The following ZNF626 variants were observed in gnomAD, a reference collection of about 807,000 sequenced individuals.
ZNF626 encodes the protein CTC-513N18.7.
In ZNF626, 4 loss-of-function variants were observed where a neutral mutation model predicts 11.7. The ratio of observed to expected loss-of-function variants is 0.34; its 90% CI spans 0.17 to 0.78. ZNF626 has a LOEUF of 0.78. ZNF626 is among the 30% of genes least tolerant of loss of function. The pLI, the probability that ZNF626 is intolerant of heterozygous loss-of-function variation, is 0.57. For synonymous variants in ZNF626, 179 were observed against 198.6 expected, an observed-to-expected ratio of 0.90 and a Z score of 0.83; for missense variants, 588 against 587.1, an observed-to-expected ratio of 1.00 and a Z score of -0.01.
intron 1 of ZNF626, among the ~76,000 whole-genome samples, chr19:20,654,997 A>G (rs1336985456): frequency 6.6e-6 from 1 of 151,886 alleles, no homozygotes. Context: ...CTGTAAACCC[A>G]GCTACTCAGG....
chr19:20,642,754 C>T, intron 3 of ZNF626, among the ~76,000 whole-genome samples: 1 of 152,106 alleles, frequency 6.6e-6, no homozygotes, highest in East Asian at 1.9e-4. Flanking sequence ...CGCGGTGGCT[C>T]ATGCCTGTAG....
At chr19:20,642,060 A>C (rs1478779603) in intron 3 of ZNF626, among the ~76,000 whole-genome samples, 1 of 152,182 alleles carries the variant, frequency 6.6e-6, no homozygotes, top group Non-Finnish European at 1.5e-5. Context: ...TATCTTCATG[A>C]CTACTCACTT....
chr19:20,644,102 C>T (rs919612648), intron 3 of ZNF626, among the ~76,000 whole-genome samples: 5 of 152,210 alleles, frequency 3.3e-5, no homozygotes, highest in African/African-American at 1.2e-4. Flanking sequence ...CTATTTACAG[C>T]CATGTAGGCA....
chr19:20,655,057 A>T (rs781073148), intron 1 of ZNF626, among the ~76,000 whole-genome samples: 2 of 151,890 alleles, frequency 1.3e-5, no homozygotes, highest in Non-Finnish European at 2.9e-5. Context: ...AGTTGTAGGG[A>T]GCAGAGATCA....
chr19:20,629,846 T>C (rs1969883107), intron 3 of ZNF626, among the ~76,000 whole-genome samples: 1 of 152,226 alleles, frequency 6.6e-6, no homozygotes, highest in Admixed American at 6.5e-5. Context: ...AGGGCATCCC[T>C]GTCTTGTGCC....
At chr19:20,649,661 G>A (rs1255849651) in intron 1 of ZNF626, among the ~76,000 whole-genome samples, 1 of 152,110 alleles carries the variant, frequency 6.6e-6, no homozygotes, top group Non-Finnish European at 1.5e-5. Context: ...GAGAAGCCTG[G>A]GTTGATAACC....
In ZNF626 at chr19:20,621,027, G is replaced by A. The variant is rs1555768654; in HGVS notation, c.*3263C>T. 1 of 152,342 alleles carries A rather than the reference G, an allele frequency of 6.6e-6. No individual in the cohort carries two copies. The highest frequency in any genetic ancestry group is 2.4e-5 in the African/African-American group (1 of 41,408). The allele number at this position is 152,342 out of a possible 1,614,324, so 9.4% of individuals were successfully genotyped here. On this transcript the variant is annotated 3_prime_UTR_variant, in exon 4 of 4. Coordinates refer to ENST00000601440, the MANE Select transcript of ZNF626 (RefSeq NM_001076675.3). ...CTAATTTATTTTTAGTAGAGACAGG[G>A]TTTCAACGTGTTAGCCAGGATGGTC... is the stretch of plus-strand genomic sequence containing the variant.
Position 20,625,064 on chromosome 19 carries a change from G to A in ZNF626, c.813C>T (p.Thr271=), listed in dbSNP as rs1317689279. ...KCGKAFMSSS[T]LSKHEIIHTE... ...TATGAATTATCTCATGTTTACTAAG[G>A]GTTGAGGATGACATAAAGGCTTTGC... The change falls in exon 4 of 4, where the codon ACC becomes ACT. Residue 271 remains threonine (T), a synonymous_variant. Transcript: ENST00000601440. 6.2e-7 allele frequency: 1 copy of A among 1,613,174 alleles called. No individual in the cohort carries two copies. Among genetic ancestry groups the A allele is most frequent in the African/African-American group, 1.3e-5 (1 of 74,756 alleles).
chr19:20,635,470 T>G (rs11085369), intron 3 of ZNF626, among the ~76,000 whole-genome samples: 67,809 of 151,492 alleles, frequency 0.45, 16,365 homozygotes, highest in African/African-American at 0.63. Flanking sequence ...TTACAGGTGA[T>G]CACCACCACG....
intron 1 of ZNF626, among the ~76,000 whole-genome samples, chr19:20,659,246 T>A (rs1315129280): frequency 6.8e-6 from 1 of 147,876 alleles, no homozygotes; most frequent in African/African-American, 2.5e-5. Flanking sequence ...GTCAAAATAA[T>A]TTTTTTTTTT....
At chr19:20,627,040 A>G (rs1308419778) in intron 3 of ZNF626, among the ~76,000 whole-genome samples, 1 of 152,042 alleles carries the variant, frequency 6.6e-6, no homozygotes, top group East Asian at 1.9e-4. Context: ...AAATAAATAA[A>G]TTTGAATAAC....
chr19:20,652,124 C>T (rs1053020620), intron 1 of ZNF626, among the ~76,000 whole-genome samples: 4 of 152,180 alleles, frequency 2.6e-5, no homozygotes, highest in Admixed American at 2.6e-4. Flanking sequence ...CATTCTCTAT[C>T]CAAAGTCCGG....
intron 1 of ZNF626, among the ~76,000 whole-genome samples, chr19:20,660,426 C>CT (rs1305012109): frequency 4.0e-5 from 6 of 151,300 alleles, no homozygotes; most frequent in African/African-American, 9.7e-5. Flanking sequence ...AAGATGCTTA[C>CT]TTTTTTTTTC....
Position 20,625,409 on chromosome 19 carries a change from T to C in ZNF626, c.468A>G (p.Gln156=). The change falls in exon 4 of 4, where the codon CAA becomes CAG. Residue 156 remains glutamine (Q), a synonymous_variant. Coordinates refer to ENST00000601440, the MANE Select transcript of ZNF626 (RefSeq NM_001076675.3). ...QCDKYVKVLH[Q]FPNSNGQKRG... is the part of the protein sequence containing the mutation. The stretch of plus-strand genomic sequence containing the variant: ...TCTTTTGTCCGTTTGAATTTGGAAA[T>C]TGATGAAGGACTTTCACATATTTAT... 7.4e-6 allele frequency: 12 copies of C among 1,614,120 alleles called. No individual in the cohort carries two copies. The highest frequency in any genetic ancestry group is 1.0e-5 in the Non-Finnish European group (12 of 1,180,010).
At chr19:20,648,462 T>C (rs4644960) in intron 1 of ZNF626, among the ~76,000 whole-genome samples, 49,072 of 150,808 alleles carry the variant, frequency 0.33, 9,455 homozygotes, top group African/African-American at 0.52. Context: ...CTGCAAGCTC[T>C]GCCTCCCAGG....
rs1173351619 is a variant in ZNF626 at position 20,654,398 on chromosome 19, G to A, written c.3+7046C>T. Among the ~76,000 whole-genome samples, 6 of 151,478 alleles carry A rather than the reference G, an allele frequency of 4.0e-5. No individual in the cohort carries two copies. In the East Asian group the frequency reaches 7.8e-4, roughly 20 times the overall value. On this transcript the variant is annotated intron_variant, in intron 1 of 3. Coordinates refer to ENST00000601440, the MANE Select transcript of ZNF626 (RefSeq NM_001076675.3). ...GCGGAGGTTGCAGTGAGCCAAGATC[G>A]CACCACTGCACTCCAGCCTGGGCAA...
chr19:20,637,666 A>G (rs10418857), intron 3 of ZNF626, among the ~76,000 whole-genome samples: 45,993 of 151,788 alleles, frequency 0.3, 7,857 homozygotes, highest in East Asian at 0.47. Context: ...AGATGATTAC[A>G]AAGATAATAT....
At chr19:20,638,907 T>C (rs533707703) in intron 3 of ZNF626, among the ~76,000 whole-genome samples, 11 of 152,134 alleles carry the variant, frequency 7.2e-5, no homozygotes, top group African/African-American at 2.4e-4. Flanking sequence ...TTAGAAAACA[T>C]TATAGACTAT....
At chr19:20,635,718 GT>G (rs1192220507) in intron 3 of ZNF626, among the ~76,000 whole-genome samples, 1 of 152,144 alleles carries the variant, frequency 6.6e-6, no homozygotes, top group Non-Finnish European at 1.5e-5. Flanking sequence ...AGTAATTATT[GT>G]TTTTAAATTA....
Sources: gnomAD v4.1 joint callset for allele counts (sites outside exome capture counted in the v4.1 genomes callset) on GRCh38, gnomAD v4.1.1 for gene constraint, MANE v1.5 for transcripts, NCBI Gene and HGNC (gene_info 2026-07-23, HGNC 2026-07-21) for gene names.